The following LHFPL3 variants were observed in gnomAD, a reference collection of about 807,000 sequenced individuals.
The protein encoded by LHFPL3 is LHFPL tetraspan subfamily member 3 protein.
A neutral mutation model predicts 19.3 loss-of-function variants in LHFPL3; 5 were observed. The ratio of observed to expected loss-of-function variants is 0.26; its 90% confidence interval spans 0.14 to 0.54. The LOEUF is 0.54. Ranked by LOEUF, LHFPL3 falls within the 20% of genes least tolerant of loss-of-function variation. The pLI, the probability that LHFPL3 is intolerant of heterozygous loss-of-function variation, is 0.94. For synonymous variants in LHFPL3, 133 were observed against 126.2 expected (o/e 1.05, Z -0.36); for missense variants, 249 against 307.4 (o/e 0.81, Z 1.42).
intron 2 of LHFPL3, among the ~76,000 whole-genome samples, chr7:104,821,922 C>G (rs1790683653): frequency 6.6e-6 from 1 of 152,124 alleles, no homozygotes; most frequent in African/African-American, 2.4e-5. Context: ...GAGAGCTCCC[C>G]CAGTTTGTAA....
chr7:104,328,678 G>A lies in LHFPL3; in HGVS notation c.-102G>A, dbSNP rs765781733. ...CTGCTGGGCTGAGGCGGAGGCAGGG[G>A]AGTTGCAGCGCGCGAGGCTCCGTGA... On this transcript the variant is annotated 5_prime_UTR_variant, in exon 1 of 3. Transcript: ENST00000424859. The surrounding 1 kb of genome is among the most constrained non-coding windows in gnomAD (Gnocchi z 4.6). 28 of 987,742 alleles carry A rather than the reference G, an allele frequency of 2.8e-5. No homozygotes were observed. Among genetic ancestry groups the A allele is most frequent in the Non-Finnish European group, 4.1e-5 (27 of 663,424 alleles). 61.2% of individuals were successfully genotyped at this position (987,742 alleles called of 1,614,324 possible).
chr7:104,613,711 T>C (rs756998976), intron 1 of LHFPL3, among the ~76,000 whole-genome samples: 8 of 152,188 alleles, frequency 5.3e-5, no homozygotes, highest in Non-Finnish European at 8.8e-5. Flanking sequence ...TGCCCTTCCA[T>C]GGCCCTGCTC....
At chr7:104,601,131 A>G (rs747012978) in intron 1 of LHFPL3, among the ~76,000 whole-genome samples, 20 of 152,170 alleles carry the variant, frequency 1.3e-4, no homozygotes, top group Non-Finnish European at 2.2e-4. Context: ...TATACTCATC[A>G]GTAATATCTC....
intron 1 of LHFPL3, among the ~76,000 whole-genome samples, chr7:104,556,988 A>G (rs1789850508): frequency 2.0e-5 from 3 of 152,188 alleles, no homozygotes; most frequent in South Asian, 2.1e-4. Context: ...CCAGTTTCCA[A>G]TGAGTTTCTC....
At chr7:104,785,955 C>T (rs1159350439) in intron 2 of LHFPL3, among the ~76,000 whole-genome samples, 1 of 152,194 alleles carries the variant, frequency 6.6e-6, no homozygotes, top group Middle Eastern at 3.2e-3. Flanking sequence ...CCTGAACCCC[C>T]AAATTTGCCA....
chr7:104,747,929 A>G (rs1304481824), intron 2 of LHFPL3, among the ~76,000 whole-genome samples: 4 of 152,120 alleles, frequency 2.6e-5, no homozygotes, highest in Admixed American at 6.6e-5. Context: ...GAGTGTGGGG[A>G]AAAGCAAGAG....
chr7:104,771,835 T>G (rs1280105807), intron 2 of LHFPL3, among the ~76,000 whole-genome samples: 1 of 142,586 alleles, frequency 7.0e-6, no homozygotes, highest in East Asian at 2.0e-4. Context: ...TTTTTTTTTT[T>G]TTTTTTTGAG....
chr7:104,733,852 G>C (rs1458302525), intron 1 of LHFPL3, among the ~76,000 whole-genome samples: 2 of 152,176 alleles, frequency 1.3e-5, no homozygotes, highest in Non-Finnish European at 2.9e-5. Context: ...CTTTGCAGTG[G>C]CTGGGACCGG....
At chr7:104,624,321 T>C (rs1791505072) in intron 1 of LHFPL3, among the ~76,000 whole-genome samples, 1 of 152,204 alleles carries the variant, frequency 6.6e-6, no homozygotes, top group South Asian at 2.1e-4. Context: ...ATCAGAGGCT[T>C]CCTCTAATTC....
In LHFPL3 at chr7:104,534,792, C is replaced by T. The variant is rs540866756; in HGVS notation, c.446-201883C>T. On this transcript the variant is annotated intron_variant, in intron 1 of 2. Transcript: ENST00000424859. ...AAACAGTATGCATTTTAGTTTTACACTATTACTTTAGAAATTCATCCCTCC... is the reference window on the plus strand; with the variant it reads ...AAACAGTATGCATTTTAGTTTTACATTATTACTTTAGAAATTCATCCCTCC... 1.4e-4 allele frequency among the ~76,000 whole-genome samples: 22 copies of T among 152,300 alleles called. 1 individual carries two copies. The highest frequency in any genetic ancestry group is 8.3e-4 in the South Asian group (4 of 4,828).
At chr7:104,841,678 TCTCTC>T (rs1252433359) in intron 2 of LHFPL3, among the ~76,000 whole-genome samples, 3 of 151,690 alleles carry the variant, frequency 2.0e-5, no homozygotes, top group Non-Finnish European at 3.0e-5. Context: ...CTACCTCTCT[TCTCTC>T]CTCTCAACTG....
intron 1 of LHFPL3, among the ~76,000 whole-genome samples, chr7:104,359,208 G>A (rs1272898186): frequency 1.3e-5 from 2 of 152,232 alleles, no homozygotes; most frequent in Non-Finnish European, 2.9e-5. Flanking sequence ...TTCTCCTTGG[G>A]AATATTTTCA....
chr7:104,478,025 A>G (rs1427067713), intron 1 of LHFPL3, among the ~76,000 whole-genome samples: 2 of 152,174 alleles, frequency 1.3e-5, no homozygotes, highest in African/African-American at 4.8e-5. Context: ...TTGCATGGAG[A>G]AATGATTGGA....
chr7:104,637,826 C>CTT (rs375790026), intron 1 of LHFPL3, among the ~76,000 whole-genome samples: 3,192 of 108,838 alleles, frequency 0.029, 171 homozygotes, highest in African/African-American at 0.1. Flanking sequence ...ATGCCTCCAG[C>CTT]TTTTTTTTTT....
intron 1 of LHFPL3, among the ~76,000 whole-genome samples, chr7:104,604,236 C>A (rs1288221054): frequency 6.6e-6 from 1 of 152,232 alleles, no homozygotes; most frequent in Non-Finnish European, 1.5e-5. Context: ...GCACCATAAG[C>A]CTCGCCTGAC....
At chr7:104,787,547 A>G (rs2116438461) in intron 2 of LHFPL3, among the ~76,000 whole-genome samples, 1 of 152,276 alleles carries the variant, frequency 6.6e-6, no homozygotes, top group South Asian at 2.1e-4. Flanking sequence ...AGGACCAGAG[A>G]GATAACGAAA....
At chr7:104,386,684 G>A (rs79638559) in intron 1 of LHFPL3, among the ~76,000 whole-genome samples, 11,041 of 152,276 alleles carry the variant, frequency 0.073, 446 homozygotes, top group East Asian at 0.17. Flanking sequence ...CCTGATATAC[G>A]TGTAGGACCT....
intron 1 of LHFPL3, among the ~76,000 whole-genome samples, chr7:104,626,351 G>A (rs189109460): frequency 1.3e-5 from 2 of 152,282 alleles, no homozygotes; most frequent in East Asian, 1.9e-4. Context: ...AAAACTTTCT[G>A]TATTTTTAGT....
At chr7:104,841,677 TTCTCTCC>T (rs572112390) in intron 2 of LHFPL3, among the ~76,000 whole-genome samples, 179 of 152,258 alleles carry the variant, frequency 1.2e-3, no homozygotes, top group Non-Finnish European at 2.0e-3. Flanking sequence ...TCTACCTCTC[TTCTCTCC>T]TCTCAACTGC....
Sources: allele counts gnomAD v4.1 joint callset (sites outside exome capture counted in the v4.1 genomes callset), GRCh38; gene constraint gnomAD v4.1.1; non-coding constraint Gnocchi (gnomAD v3.1); transcripts MANE v1.5; gene names NCBI Gene and HGNC (gene_info 2026-07-23, HGNC 2026-07-21).